MYRIP: variants seen among roughly 807,000 people sequenced by gnomAD.
MYRIP encodes the protein rab effector MyRIP.
MYRIP carries 49 observed loss-of-function variants against 98.0 expected under a neutral mutation model. The ratio of observed to expected loss-of-function variants is 0.50; its 90% CI spans 0.40 to 0.63. MYRIP has a LOEUF of 0.63. MYRIP is among the 30% of genes least tolerant of loss of function. The probability of loss-of-function intolerance (pLI) is 0.00; values close to 1 mark genes in which losing one functional copy is unlikely to be tolerated. For synonymous variants in MYRIP, 404 were observed against 409.5 expected (o/e 0.99, Z 0.16); for missense variants, 1,004 against 1,058.2 (o/e 0.95, Z 0.71).
chr3:40,034,362 A>C (rs1463875885), intron 2 of MYRIP, among the ~76,000 whole-genome samples: 3 of 152,242 alleles, frequency 2.0e-5, no homozygotes, highest in Non-Finnish European at 2.9e-5. Context: ...CAGTGAACTC[A>C]AACAAATTTA....
In MYRIP at chr3:40,171,254, A is replaced by G. The variant is rs1274763347; in HGVS notation, c.873+1161A>G. Reference sequence around the variant, plus strand: ...GGGTAAGGCTGGTAAAAAAGAGGTAATAGGAGACAGTTCATAATTGGGTGC... The same window carrying G: ...GGGTAAGGCTGGTAAAAAAGAGGTAGTAGGAGACAGTTCATAATTGGGTGC... On this transcript the variant is annotated intron_variant, in intron 8 of 16. Coordinates refer to ENST00000302541, the MANE Select transcript of MYRIP (RefSeq NM_015460.4). Among the ~76,000 whole-genome samples the G allele has an allele frequency of 2.0e-5, 3 of 152,066 alleles. No individual in the cohort carries two copies. In the East Asian group the frequency reaches 5.8e-4, roughly 30 times the overall value.
At chr3:40,205,078 C>G (rs1439373119) in intron 10 of MYRIP, among the ~76,000 whole-genome samples, 1 of 152,078 alleles carries the variant, frequency 6.6e-6, no homozygotes, top group Non-Finnish European at 1.5e-5. Flanking sequence ...CAGGAAGGAC[C>G]CTGGAGCCCC....
At chr3:40,032,116 G>T (rs1192613772) in intron 2 of MYRIP, among the ~76,000 whole-genome samples, 1 of 151,944 alleles carries the variant, frequency 6.6e-6, no homozygotes, top group Non-Finnish European at 1.5e-5. Context: ...GCTTTCTCTT[G>T]TGGGCATTTA....
chr3:40,237,106 C>T (rs1952846652), intron 12 of MYRIP, among the ~76,000 whole-genome samples: 1 of 152,128 alleles, frequency 6.6e-6, no homozygotes, highest in Non-Finnish European at 1.5e-5. Flanking sequence ...TGCTTGAGGC[C>T]AGGAGTTTGA....
intron 2 of MYRIP, among the ~76,000 whole-genome samples, chr3:39,958,561 A>C (rs1183703065): frequency 6.6e-6 from 1 of 152,202 alleles, no homozygotes; most frequent in African/African-American, 2.4e-5. Context: ...TGTTAGACCT[A>C]AATCCATAAA....
chr3:40,250,506 T>G lies in MYRIP; in HGVS notation c.2428+7T>G, dbSNP rs768056040. 3.7e-6 allele frequency: 6 copies of G among 1,614,182 alleles called. No homozygotes were observed. In the South Asian group the frequency reaches 4.4e-5, roughly 12 times the overall value. On this transcript the variant is annotated splice_region_variant and intron_variant, in intron 15 of 16. Coordinates refer to ENST00000302541, the MANE Select transcript of MYRIP (RefSeq NM_015460.4). ...CCTGCTCCACCGGTGAAAGGTATGC[T>G]AAATTAAAACCACAAAGCTACCAAA...
At chr3:39,826,499 T>A (rs1941270935) in intron 1 of MYRIP, among the ~76,000 whole-genome samples, 1 of 152,180 alleles carries the variant, frequency 6.6e-6, no homozygotes, top group African/African-American at 2.4e-5. Context: ...CCAGTTTTAT[T>A]CCATTGTGGT....
At chr3:40,073,628 T>C (rs1948276481) in intron 3 of MYRIP, among the ~76,000 whole-genome samples, 2 of 152,274 alleles carry the variant, frequency 1.3e-5, no homozygotes, top group South Asian at 4.1e-4. Flanking sequence ...TGCCTCTGCG[T>C]ATCTCTTAGA....
At chr3:40,123,236 T>A (rs1185461721) in intron 3 of MYRIP, among the ~76,000 whole-genome samples, 1 of 152,232 alleles carries the variant, frequency 6.6e-6, no homozygotes, top group Non-Finnish European at 1.5e-5. Context: ...TGCAGGCTTA[T>A]CCAAATTTGG....
chr3:39,849,902 C>T (rs1216419171), intron 1 of MYRIP, among the ~76,000 whole-genome samples: 1 of 152,162 alleles, frequency 6.6e-6, no homozygotes, highest in Non-Finnish European at 1.5e-5. Flanking sequence ...CTAAAATGTC[C>T]TCCCTCTAAC....
chr3:39,881,358 G>A (rs1426139948), intron 1 of MYRIP, among the ~76,000 whole-genome samples: 2 of 152,174 alleles, frequency 1.3e-5, no homozygotes, highest in African/African-American at 4.8e-5. Flanking sequence ...AACAAGTGGG[G>A]AGATTGGGGT....
chr3:39,974,525 G>C (rs958828031), intron 2 of MYRIP, among the ~76,000 whole-genome samples: 19 of 152,316 alleles, frequency 1.2e-4, no homozygotes, highest in African/African-American at 4.6e-4. Flanking sequence ...AATAGAAAAA[G>C]AGGGAATCCT....
intron 3 of MYRIP, among the ~76,000 whole-genome samples, chr3:40,106,170 A>G (rs1319368592): frequency 1.3e-5 from 2 of 152,110 alleles, no homozygotes; most frequent in Non-Finnish European, 2.9e-5. Flanking sequence ...AATAAAGTGA[A>G]TATCCAGGTT....
intron 2 of MYRIP, among the ~76,000 whole-genome samples, chr3:39,994,803 G>A (rs1003753588): frequency 4.6e-5 from 7 of 152,178 alleles, no homozygotes; most frequent in African/African-American, 1.4e-4. Context: ...GGGGCAGACT[G>A]ACACCTCACA....
At position 40,210,055 on chromosome 3, in the gene MYRIP, G is replaced by C. The variant is rs139816637; in HGVS notation, c.1867G>C (p.Glu623Gln). The change falls in exon 11 of 17, where the codon GAA becomes CAA. Residue 623 changes from glutamate (E) to glutamine (Q), a missense_variant. By Grantham distance (29) the Glu-to-Gln change is conservative (BLOSUM62 2). Transcript: ENST00000302541. Reference protein sequence around the residue: ...SENQKESLSSEDNSQSVQEEL... With the variant: ...SENQKESLSSQDNSQSVQEEL... ...GAACCAGAAGGAAAGTCTGTCCTCT[G>C]AAGACAACAGCCAGAGTGTCCAGGA... 1 of 1,613,940 alleles carries C rather than the reference G, an allele frequency of 6.2e-7. No homozygotes were observed. The highest frequency in any genetic ancestry group is 8.5e-7 in the Non-Finnish European group (1 of 1,179,946).
chr3:40,204,169 T>TTTATATA (rs1951719732), intron 10 of MYRIP, among the ~76,000 whole-genome samples: 2 of 1,756 alleles, frequency 1.1e-3, no homozygotes, highest in South Asian at 0.12. Flanking sequence ...TAATATAATA[T>TTTATATA]TTATATATTA....
intron 2 of MYRIP, among the ~76,000 whole-genome samples, chr3:39,988,505 A>ATG (rs1210335601): frequency 3.9e-5 from 6 of 151,990 alleles, no homozygotes; most frequent in Admixed American, 3.9e-4. Context: ...TGGTCTTCTC[A>ATG]TGGAATATCT....
chr3:39,948,702 GA>G (rs1269926584), intron 2 of MYRIP, among the ~76,000 whole-genome samples: 1 of 151,258 alleles, frequency 6.6e-6, no homozygotes, highest in African/African-American at 2.4e-5. Context: ...AGTTCTAGAA[GA>G]AAAAAAAGAG....
intron 3 of MYRIP, among the ~76,000 whole-genome samples, chr3:40,103,379 C>T (rs1449714759): frequency 6.6e-6 from 1 of 152,214 alleles, no homozygotes; most frequent in Non-Finnish European, 1.5e-5. Context: ...CGCCTGTGAA[C>T]TTCATCTAAT....
Sources: gnomAD v4.1 joint callset for allele counts (sites outside exome capture counted in the v4.1 genomes callset) on GRCh38, gnomAD v4.1.1 for gene constraint, MANE v1.5 for transcripts, NCBI Gene and HGNC (gene_info 2026-07-23, HGNC 2026-07-21) for gene names.